NRXN3: variants seen among roughly 807,000 people sequenced by gnomAD.
The protein encoded by NRXN3 is neurexin III.
A neutral mutation model predicts 137.6 loss-of-function variants in NRXN3; 32 were observed. That is an observed-to-expected ratio of 0.23 (90% CI 0.18 to 0.31). The LOEUF (loss-of-function observed/expected upper bound fraction) is 0.31, where lower values mean the gene tolerates loss of function less well. Ranked by LOEUF, NRXN3 falls within the 10% of genes least tolerant of loss-of-function variation. The pLI is 1.00. For synonymous variants in NRXN3, 798 were observed against 784.5 expected, an observed-to-expected ratio of 1.02 and a Z score of -0.29; for missense variants, 1,574 against 2,062.5, an observed-to-expected ratio of 0.76 and a Z score of 4.59.
chr14:79,704,750 C>T (rs1167425705), intron 19 of NRXN3, among the ~76,000 whole-genome samples: 1 of 152,072 alleles, frequency 6.6e-6, no homozygotes, highest in Non-Finnish European at 1.5e-5. Context: ...CTTTCTTTTT[C>T]CCTCTTAGAG....
intron 10 of NRXN3, among the ~76,000 whole-genome samples, chr14:78,851,605 G>C (rs955091062): frequency 1.3e-5 from 2 of 152,180 alleles, no homozygotes; most frequent in Non-Finnish European, 2.9e-5. Context: ...AGGCAGGCTG[G>C]CAGCCAGGAG....
At chr14:78,951,146 C>T (rs1289364690) in intron 10 of NRXN3, among the ~76,000 whole-genome samples, 1 of 152,162 alleles carries the variant, frequency 6.6e-6, no homozygotes, top group Non-Finnish European at 1.5e-5. Flanking sequence ...CATCTCTTTT[C>T]TTTAATAGCT....
intron 10 of NRXN3, among the ~76,000 whole-genome samples, chr14:78,926,354 C>T (rs970297005): frequency 6.6e-6 from 1 of 151,698 alleles, no homozygotes; most frequent in Non-Finnish European, 1.5e-5. Flanking sequence ...GTCTTTCTCT[C>T]TTATATATTT....
intron 11 of NRXN3, among the ~76,000 whole-genome samples, chr14:78,962,563 AT>A (rs753121817): frequency 2.0e-5 from 3 of 152,282 alleles, no homozygotes; most frequent in Admixed American, 6.5e-5. Context: ...TAAAAAAAAA[AT>A]ATTTGGTTGG....
chr14:79,171,700 C>A (rs1026403096), intron 15 of NRXN3, among the ~76,000 whole-genome samples: 1 of 152,116 alleles, frequency 6.6e-6, no homozygotes, highest in Non-Finnish European at 1.5e-5. Flanking sequence ...CTTCTACCTT[C>A]CTCCTTTTTG....
intron 18 of NRXN3, among the ~76,000 whole-genome samples, chr14:79,693,340 G>A (rs187502930): frequency 7.9e-5 from 12 of 152,036 alleles, no homozygotes; most frequent in Non-Finnish European, 1.8e-4. Context: ...TTAAGTTGGA[G>A]GAAGACATTC....
intron 19 of NRXN3, among the ~76,000 whole-genome samples, chr14:79,777,853 A>G (rs1368936579): frequency 1.3e-5 from 2 of 152,050 alleles, no homozygotes; most frequent in East Asian, 1.9e-4. Flanking sequence ...ACCAAGGTCA[A>G]TAGAATTCAG....
Position 79,100,644 on chromosome 14 carries a change from G to A in NRXN3, c.3262+112503G>A, listed in dbSNP as rs527423614. Reference sequence around the variant, plus strand: ...GGGTTATTTCTTGGTCTGCAGAGCTGCTAATCTGTAGGTTGCATTCAGTCT... The same window carrying A: ...GGGTTATTTCTTGGTCTGCAGAGCTACTAATCTGTAGGTTGCATTCAGTCT... On this transcript the variant is annotated intron_variant, in intron 15 of 20. Transcript: ENST00000335750. Among the ~76,000 whole-genome samples the A allele has an allele frequency of 2.6e-5, 4 of 152,254 alleles. No homozygotes were observed. The South Asian group carries it at 8.3e-4, about 32-fold the overall frequency.
intron 4 of NRXN3, among the ~76,000 whole-genome samples, chr14:78,642,239 T>C (rs2097642688): frequency 6.6e-6 from 1 of 152,166 alleles, no homozygotes; most frequent in South Asian, 2.1e-4. Context: ...ACAAACTAAC[T>C]GTGATGTCTC....
intron 15 of NRXN3, among the ~76,000 whole-genome samples, chr14:79,346,898 C>A (rs1208569976): frequency 2.0e-5 from 3 of 152,160 alleles, no homozygotes; most frequent in African/African-American, 4.8e-5. Flanking sequence ...TCACCCCAGG[C>A]TCAATGTCTT....
intron 15 of NRXN3, among the ~76,000 whole-genome samples, chr14:79,096,144 G>A (rs893028891): frequency 2.0e-5 from 3 of 146,780 alleles, no homozygotes; most frequent in South Asian, 2.1e-4. Context: ...ATCTCCCTCT[G>A]TCACCCAGGC....
chr14:78,906,667 T>C (rs981710320), intron 10 of NRXN3, among the ~76,000 whole-genome samples: 4 of 152,010 alleles, frequency 2.6e-5, no homozygotes, highest in Admixed American at 2.0e-4. Flanking sequence ...GCCATTGCAA[T>C]TGCCGCACAA....
At chr14:78,653,040 G>A (rs939649476) in intron 6 of NRXN3, among the ~76,000 whole-genome samples, 13 of 152,188 alleles carry the variant, frequency 8.5e-5, no homozygotes, top group African/African-American at 3.1e-4. Context: ...AATCATGTGC[G>A]AATTGAGAGG....
chr14:78,736,179 T>C (rs2152916505), intron 8 of NRXN3, among the ~76,000 whole-genome samples: 1 of 152,336 alleles, frequency 6.6e-6, no homozygotes, highest in East Asian at 1.9e-4. Flanking sequence ...ATTTGAAATT[T>C]AATTTAATTG....
chr14:79,508,037 G>C (rs2096894467), intron 16 of NRXN3, among the ~76,000 whole-genome samples: 1 of 152,080 alleles, frequency 6.6e-6, no homozygotes, highest in Non-Finnish European at 1.5e-5. Context: ...GTAATTGAGA[G>C]CCTTGGATTT....
At chr14:79,437,381 G>A (rs2095861656) in intron 15 of NRXN3, among the ~76,000 whole-genome samples, 1 of 150,892 alleles carries the variant, frequency 6.6e-6, no homozygotes, top group Non-Finnish European at 1.5e-5. Flanking sequence ...TGCAAGTATT[G>A]AGGATTCACA....
intron 4 of NRXN3, among the ~76,000 whole-genome samples, chr14:78,581,352 G>C (rs886167547): frequency 3.9e-5 from 6 of 152,158 alleles, no homozygotes; most frequent in Non-Finnish European, 5.9e-5. Flanking sequence ...CACGTTTCAT[G>C]TCTGCTGAGG....
At chr14:79,487,690 T>G (rs570260822) in intron 16 of NRXN3, among the ~76,000 whole-genome samples, 1 of 146,198 alleles carries the variant, frequency 6.8e-6, no homozygotes, top group African/African-American at 2.7e-5. Flanking sequence ...GTCTGAATTC[T>G]CAGTTGTGTG....
chr14:78,561,985 C>T (rs7153944), intron 4 of NRXN3, among the ~76,000 whole-genome samples: 1 of 152,164 alleles, frequency 6.6e-6, no homozygotes, highest in Non-Finnish European at 1.5e-5. Flanking sequence ...CCATCCCATG[C>T]ACTCTTCTGC....
Sources: gnomAD v4.1 joint callset for allele counts (sites outside exome capture counted in the v4.1 genomes callset) on GRCh38, gnomAD v4.1.1 for gene constraint, MANE v1.5 for transcripts, NCBI Gene and HGNC (gene_info 2026-07-23, HGNC 2026-07-21) for gene names.